Variants in FOXP1 observed in about 807,000 individuals in gnomAD.
FOXP1 encodes forkhead box P1.
In FOXP1, 15 loss-of-function variants were observed where a neutral mutation model predicts 98.2. The observed-to-expected ratio is 0.15, with a 90% CI of 0.10 to 0.24. The LOEUF (loss-of-function observed/expected upper bound fraction) is 0.24. Among genes scored for constraint, FOXP1 ranks in the 10% least tolerant of loss-of-function variants. The pLI is 1.00. For synonymous variants in FOXP1, 371 were observed against 314.5 expected (o/e 1.18, Z -1.90); for missense variants, 633 against 848.5 (o/e 0.75, Z 3.15).
chr3:71,180,525 G>A (rs1390702815), intron 6 of FOXP1, among the ~76,000 whole-genome samples: 1 of 152,002 alleles, frequency 6.6e-6, no homozygotes, highest in African/African-American at 2.4e-5. Flanking sequence ...TTAAAATCTG[G>A]CTGGCAGTGT....
At chr3:71,250,960 T>G (rs2068141631) in intron 5 of FOXP1, among the ~76,000 whole-genome samples, 1 of 152,114 alleles carries the variant, frequency 6.6e-6, no homozygotes, top group African/African-American at 2.4e-5. Context: ...AAAAAAATGT[T>G]TTTGGTAATG....
At chr3:71,574,364 G>A (rs535928043) in intron 2 of FOXP1, 5 of 152,156 alleles carry the variant, frequency 3.3e-5, no homozygotes, top group Admixed American at 6.5e-5. Context: ...ATGAAAAAAT[G>A]TCTCAACAAC....
chr3:70,986,839 T>A (rs1386511132), intron 14 of FOXP1, among the ~76,000 whole-genome samples: 1 of 152,234 alleles, frequency 6.6e-6, no homozygotes, highest in East Asian at 1.9e-4. Flanking sequence ...CTCAGTAATG[T>A]GTTCTGTTTC....
At chr3:71,146,263 C>T (rs1409737614) in intron 6 of FOXP1, among the ~76,000 whole-genome samples, 1 of 152,126 alleles carries the variant, frequency 6.6e-6, no homozygotes. Context: ...ATCAAAGAAG[C>T]CAGGGTGGCT....
intron 2 of FOXP1, among the ~76,000 whole-genome samples, chr3:71,522,042 CA>C (rs549960361): frequency 1.8e-4 from 27 of 152,226 alleles, no homozygotes; most frequent in Admixed American, 2.0e-4. Context: ...GTTACTATTA[CA>C]AAGGGTAGAT....
intron 5 of FOXP1, among the ~76,000 whole-genome samples, chr3:71,297,157 A>G (rs1303896591): frequency 6.6e-6 from 1 of 152,264 alleles, no homozygotes; most frequent in African/African-American, 2.4e-5. Context: ...GACTGAGCAT[A>G]TAAAATACTT....
chr3:71,398,412 G>A (rs527427159), intron 3 of FOXP1, among the ~76,000 whole-genome samples: 1 of 152,258 alleles, frequency 6.6e-6, no homozygotes, highest in East Asian at 1.9e-4. Context: ...CACTAAGCAC[G>A]CTGAAAACAT....
intron 3 of FOXP1, among the ~76,000 whole-genome samples, chr3:71,361,045 GA>G (rs2078528530): frequency 6.6e-6 from 1 of 152,174 alleles, no homozygotes; most frequent in Non-Finnish European, 1.5e-5. Flanking sequence ...CATGACTTCT[GA>G]ATCTTCATTC....
At chr3:71,015,426 T>C (rs2044315854) in intron 12 of FOXP1, 123 bp downstream of exon 12, 3 of 671,542 alleles carry the variant, frequency 4.5e-6, no homozygotes, top group African/African-American at 3.6e-5. Flanking sequence ...CCTTGTGATT[T>C]AGAGTCCACT....
intron 6 of FOXP1, among the ~76,000 whole-genome samples, chr3:71,189,065 T>C (rs952274636): frequency 7.2e-5 from 11 of 152,160 alleles, no homozygotes; most frequent in Non-Finnish European, 5.9e-5. Flanking sequence ...TAAATTTAAA[T>C]ACACAAAGAA....
intron 4 of FOXP1, among the ~76,000 whole-genome samples, chr3:71,318,522 T>C (rs568979078): frequency 2.0e-5 from 3 of 152,326 alleles, no homozygotes; most frequent in African/African-American, 4.8e-5. Flanking sequence ...CACTTAACAC[T>C]TGAGTTAGAG....
At chr3:71,468,970 G>A (rs567683516) in intron 3 of FOXP1, among the ~76,000 whole-genome samples, 3 of 152,234 alleles carry the variant, frequency 2.0e-5, no homozygotes, top group African/African-American at 7.2e-5. Context: ...TTGGACCCAG[G>A]GATGTTTGAG....
chr3:71,065,740 G>A (rs2052402029), intron 7 of FOXP1: 1 of 152,128 alleles, frequency 6.6e-6, no homozygotes, highest in South Asian at 2.1e-4. Context: ...TACAACAATA[G>A]CAACAACAAA....
At chr3:71,186,756 T>C (rs2062672279) in intron 6 of FOXP1, among the ~76,000 whole-genome samples, 2 of 152,216 alleles carry the variant, frequency 1.3e-5, no homozygotes, top group Admixed American at 6.5e-5. Context: ...AATAAATAGA[T>C]ATTTTTCAGA....
chr3:71,031,252 G>C (rs2046826608), intron 11 of FOXP1, among the ~76,000 whole-genome samples: 1 of 152,186 alleles, frequency 6.6e-6, no homozygotes, highest in Admixed American at 6.5e-5. Flanking sequence ...TGGAGAGAAA[G>C]AGAGAGATCG....
At chr3:71,205,075 G>A (rs1330866490) in intron 5 of FOXP1, among the ~76,000 whole-genome samples, 1 of 152,162 alleles carries the variant, frequency 6.6e-6, no homozygotes, top group Non-Finnish European at 1.5e-5. Flanking sequence ...GGAATGAGCC[G>A]GAGGGCTATT....
At chr3:71,505,291 C>T (rs917947943) in intron 2 of FOXP1, among the ~76,000 whole-genome samples, 1 of 152,088 alleles carries the variant, frequency 6.6e-6, no homozygotes. Flanking sequence ...ACCCAAGTCA[C>T]CCCTGGTAGT....
chr3:71,559,796 G>A (rs555605253), intron 2 of FOXP1, among the ~76,000 whole-genome samples: 46 of 152,110 alleles, frequency 3.0e-4, no homozygotes, highest in Admixed American at 1.2e-3. Context: ...GCAGTGAGCC[G>A]TGATTGCATC....
intron 19 of FOXP1, chr3:70,969,393 T>C (rs1443701971): frequency 1.3e-5 from 2 of 152,180 alleles, no homozygotes; most frequent in African/African-American, 4.8e-5. Context: ...TAAATAAATA[T>C]AATTACTGAA....
Sources: allele counts gnomAD v4.1 joint callset (sites outside exome capture counted in the v4.1 genomes callset), GRCh38; gene constraint gnomAD v4.1.1; transcripts MANE v1.5; gene names NCBI Gene and HGNC (gene_info 2026-07-23, HGNC 2026-07-21).